Variants in SFSWAP observed in about 807,000 individuals in gnomAD.
SFSWAP encodes splicing factor, suppressor of white-apricot homolog.
Under a neutral mutation model 100.7 loss-of-function variants are expected in SFSWAP, and 17 were observed. The ratio of observed to expected loss-of-function variants is 0.17; its 90% CI spans 0.12 to 0.25. SFSWAP has a LOEUF of 0.25. Ranked by LOEUF, SFSWAP falls within the 10% of genes least tolerant of loss-of-function variation. The pLI is 1.00. For synonymous variants in SFSWAP, 504 were observed against 510.1 expected (o/e 0.99, Z 0.16); for missense variants, 1,005 against 1,262.6 (o/e 0.80, Z 3.09).
At chr12:131,776,225 G>C (rs911215725) in intron 13 of SFSWAP, among the ~76,000 whole-genome samples, 1 of 152,008 alleles carries the variant, frequency 6.6e-6, no homozygotes, top group African/African-American at 2.4e-5. Context: ...GGATTTTTTT[G>C]CCAAAATGTC....
chr12:131,780,949 C>T (rs1333625323), intron 14 of SFSWAP, among the ~76,000 whole-genome samples: 1 of 152,106 alleles, frequency 6.6e-6, no homozygotes, highest in Non-Finnish European at 1.5e-5. Flanking sequence ...GATGTGATGT[C>T]TGATATTTCC....
At chr12:131,732,582 T>C (rs983246053) in intron 7 of SFSWAP, among the ~76,000 whole-genome samples, 1 of 152,264 alleles carries the variant, frequency 6.6e-6, no homozygotes, top group African/African-American at 2.4e-5. Context: ...CGGATTCTGC[T>C]GCCCTTGGCT....
Position 131,778,317 on chromosome 12 carries a change from G to C in SFSWAP, c.2395G>C (p.Val799Leu), listed in dbSNP as rs1274954605. The C allele has an allele frequency of 1.2e-6, 2 of 1,612,430 alleles. No individual in the cohort carries two copies. Among genetic ancestry groups the C allele is most frequent in the African/African-American group, 2.7e-5 (2 of 74,870 alleles). ...TTCTCTTCCCAGTGCCTATCGGACA[G>C]TGCGGCGGTCGAGGTGGGTGTGAAG... ...KHSLPSAYRTVRRSRSRSRSP... is the reference protein window; with the variant it reads ...KHSLPSAYRTLRRSRSRSRSP... Residue 799 changes from valine (V) to leucine (L), a missense_variant, in exon 14 of 18, where the codon GTG becomes CTG. By Grantham distance (32) the Val-to-Leu change is conservative. Transcript: ENST00000261674. This position sits in a 1 kb window ranked among gnomAD's most constrained non-coding sequence, Gnocchi z 4.2.
intron 9 of SFSWAP, 59 bp from the exon 10 acceptor site, chr12:131,755,327 T>C (rs967461453): frequency 1.3e-5 from 16 of 1,197,672 alleles, no homozygotes; most frequent in Middle Eastern, 1.9e-4. Context: ...ACAGGGCCTG[T>C]TGTTACTTCA....
rs1877721164 is a variant in SFSWAP at position 131,714,748 on chromosome 12, C to T, written c.389-74C>T. On this transcript the variant is annotated intron_variant, in intron 2 of 17. Transcript: ENST00000261674. The surrounding 1 kb of genome is among the most constrained non-coding windows in gnomAD (Gnocchi z 6.0). ...ATGTTGTATGCTTTACTGATAGCTACAACTTTAGAAATATATAAAGTTTTT... is the reference window on the plus strand; with the variant it reads ...ATGTTGTATGCTTTACTGATAGCTATAACTTTAGAAATATATAAAGTTTTT... The T allele has an allele frequency of 1.4e-6, 2 of 1,403,960 alleles. No individual in the cohort carries two copies. Among genetic ancestry groups the T allele is most frequent in the African/African-American group, 1.4e-5 (1 of 69,528 alleles). 87.0% of individuals were successfully genotyped at this position (1,403,960 alleles called of 1,614,324 possible). A position where few individuals can be genotyped will look rare whatever the true frequency, so the allele number is the denominator to read the frequency against.
Position 131,730,128 on chromosome 12 carries a change from A to T in SFSWAP, c.1081+1700A>T, listed in dbSNP as rs1879360775. Among the ~76,000 whole-genome samples, 1 of 152,182 alleles carries T rather than the reference A, an allele frequency of 6.6e-6. No homozygotes were observed. The highest frequency in any genetic ancestry group is 1.5e-5 in the Non-Finnish European group (1 of 68,040). On this transcript the variant is annotated intron_variant, in intron 7 of 17. Transcript: ENST00000261674. The surrounding 1 kb of genome is among the most constrained non-coding windows in gnomAD (Gnocchi z 4.0). ...GCCAGCTGTCTGAGGTGCTCTGTAG[A>T]TCACTCCTAACGCCCAGTCCTCACT...
rs140087973 is a variant in SFSWAP, at chr12:131,797,238, G to A, written c.2595G>A (p.Arg865=). The A allele has an allele frequency of 2.5e-6, 4 of 1,612,586 alleles. No homozygotes were observed. In the South Asian group the frequency reaches 4.4e-5, roughly 18 times the overall value. ...RSRSRTKSKA[R]SQSVSPSKQA... ...GGTCGCGGACCAAGTCCAAGGCCAG[G>A]TCTCAGTCGGTGTCACCCAGCAAGC... Residue 865 remains arginine, a synonymous_variant, in exon 16 of 18, where the codon AGG becomes AGA. Coordinates refer to ENST00000261674, the MANE Select transcript of SFSWAP (RefSeq NM_004592.4).
intron 7 of SFSWAP, among the ~76,000 whole-genome samples, chr12:131,735,210 G>A (rs1016887971): frequency 2.0e-5 from 3 of 152,074 alleles, no homozygotes; most frequent in Admixed American, 6.5e-5. Context: ...GATGAGAGCC[G>A]TCGTAGCCAT....
At chr12:131,731,065 T>C (rs1453757349) in intron 7 of SFSWAP, among the ~76,000 whole-genome samples, 1 of 152,190 alleles carries the variant, frequency 6.6e-6, no homozygotes, top group Non-Finnish European at 1.5e-5. Flanking sequence ...CCACCCATCT[T>C]GGATCTGGAG....
At position 131,730,140 on chromosome 12, in the gene SFSWAP, G is replaced by A. The variant is rs148011154; in HGVS notation, c.1081+1712G>A. 1.4e-4 allele frequency among the ~76,000 whole-genome samples: 22 copies of A among 152,230 alleles called. No individual in the cohort carries two copies. The highest frequency in any genetic ancestry group is 4.1e-4 in the African/African-American group (17 of 41,540). On this transcript the variant is annotated intron_variant, in intron 7 of 17. Coordinates refer to ENST00000261674, the MANE Select transcript of SFSWAP (RefSeq NM_004592.4). This position sits in a 1 kb window ranked among gnomAD's most constrained non-coding sequence, Gnocchi z 4.0. ...AGGTGCTCTGTAGATCACTCCTAACGCCCAGTCCTCACTGCATGGATTTTT... is the reference window on the plus strand; with the variant it reads ...AGGTGCTCTGTAGATCACTCCTAACACCCAGTCCTCACTGCATGGATTTTT...
At chr12:131,755,889 G>A (rs1197606696) in intron 10 of SFSWAP, among the ~76,000 whole-genome samples, 2 of 152,234 alleles carry the variant, frequency 1.3e-5, no homozygotes, top group Non-Finnish European at 2.9e-5. Flanking sequence ...GGGGTGTCCT[G>A]CAGCACGGCC....
intron 15 of SFSWAP, chr12:131,796,817 T>C (rs1885711782): frequency 5.2e-6 from 1 of 192,444 alleles, no homozygotes; most frequent in Non-Finnish European, 1.1e-5. Context: ...CTTTGATGTA[T>C]TGATACTTTA....
At chr12:131,748,314 G>C (rs1881323987) in intron 7 of SFSWAP, among the ~76,000 whole-genome samples, 1 of 150,486 alleles carries the variant, frequency 6.6e-6, no homozygotes, top group Non-Finnish European at 1.5e-5. Flanking sequence ...AGCCTCCCAA[G>C]TAGCTAATAT....
At chr12:131,757,678 A>C (rs745417524) in intron 11 of SFSWAP, 11 of 152,332 alleles carry the variant, frequency 7.2e-5, no homozygotes, top group African/African-American at 2.2e-4. Context: ...CTTTGCATAA[A>C]GATGCCTTGT....
rs750655699 is a variant in SFSWAP at position 131,746,971 on chromosome 12, G to A, written c.1082-6152G>A. On this transcript the variant is annotated intron_variant, in intron 7 of 17. Coordinates refer to ENST00000261674, the MANE Select transcript of SFSWAP (RefSeq NM_004592.4). ...TACAAAAAATTAGCCGGGTGTGGTG[G>A]CGGGTGCCTGTAGTCCCAGCTACTC... Among the ~76,000 whole-genome samples the A allele has an allele frequency of 4.4e-4, 67 of 152,236 alleles. 3 individuals are homozygous for A. The highest frequency in any genetic ancestry group is 2.1e-4 in the South Asian group (1 of 4,810).
intron 11 of SFSWAP, among the ~76,000 whole-genome samples, chr12:131,760,308 A>G (rs1882546167): frequency 1.3e-5 from 2 of 152,334 alleles, no homozygotes; most frequent in Non-Finnish European, 1.5e-5. Flanking sequence ...CATCCTCACT[A>G]TAGAAAGAGC....
Position 131,750,172 on chromosome 12 carries a change from C to T in SFSWAP, c.1082-2951C>T, listed in dbSNP as rs957747654. Among the ~76,000 whole-genome samples, 49 of 152,198 alleles carry T rather than the reference C, an allele frequency of 3.2e-4. 2 individuals carry two copies. Among genetic ancestry groups the T allele is most frequent in the Non-Finnish European group, 1.0e-4 (7 of 68,036 alleles). ...ATGGATCTGACGTCCTCCCTTAGAT[C>T]TTCACATCCCTGACACCCTATGAAG... On this transcript the variant is annotated intron_variant, in intron 7 of 17. Transcript: ENST00000261674.
chr12:131,740,854 C>G (rs1274921985), intron 7 of SFSWAP, among the ~76,000 whole-genome samples: 2 of 152,002 alleles, frequency 1.3e-5, no homozygotes, highest in East Asian at 3.9e-4. Context: ...TGCTCTGTCC[C>G]TGGGGTGTGG....
In SFSWAP at chr12:131,794,719, T is replaced by C. The variant is rs1214648772; in HGVS notation, c.2535-2459T>C. ...GCCTTCTGGAATGAAGGGACGCCCC[T>C]GCGTGGATAAGGCCCAGGTGTCAGG... On this transcript the variant is annotated intron_variant, in intron 15 of 17. Coordinates refer to ENST00000261674, the MANE Select transcript of SFSWAP (RefSeq NM_004592.4). This position sits in a 1 kb window ranked among gnomAD's most constrained non-coding sequence, Gnocchi z 4.8. Among the ~76,000 whole-genome samples the C allele has an allele frequency of 6.6e-6, 1 of 152,220 alleles. No homozygotes were observed. The highest frequency in any genetic ancestry group is 2.4e-5 in the African/African-American group (1 of 41,458).
Sources: gnomAD v4.1 joint callset for allele counts (sites outside exome capture counted in the v4.1 genomes callset) on GRCh38, gnomAD v4.1.1 for gene constraint, Gnocchi (gnomAD v3.1) non-coding constraint, MANE v1.5 for transcripts, NCBI Gene and HGNC (gene_info 2026-07-23, HGNC 2026-07-21) for gene names.